The following MRPS27 variants were observed in gnomAD, a reference collection of about 807,000 sequenced individuals.
MRPS27 encodes small ribosomal subunit protein mS27.
MRPS27 carries 43 observed loss-of-function variants against 48.9 expected under a neutral mutation model. That is an observed-to-expected ratio of 0.88 (90% CI 0.69 to 1.13). The LOEUF (loss-of-function observed/expected upper bound fraction) is 1.13, where lower values mean the gene tolerates loss of function less well. Among genes scored for constraint, MRPS27 ranks in the 50% most tolerant of loss-of-function variants. The pLI is 0.00. For synonymous variants in MRPS27, 188 were observed against 171.9 expected (o/e 1.09, Z -0.73); for missense variants, 467 against 476.3 (o/e 0.98, Z 0.18).
At chr5:72,263,384 G>A (rs1445943106) in intron 4 of MRPS27, among the ~76,000 whole-genome samples, 2 of 151,766 alleles carry the variant, frequency 1.3e-5, no homozygotes, top group East Asian at 1.9e-4. Context: ...TTTTAGATAT[G>A]ACACCAAAAG....
Position 72,310,713 on chromosome 5 carries a change from C to T in MRPS27, c.151+3368G>A, listed in dbSNP as rs79804721. On this transcript the variant is annotated intron_variant, in intron 2 of 10. Transcript: ENST00000261413. ...TCAGGCTAAAGCCATGAATGGATGC[C>T]AAATCTAAGAGCAAACTTTTGATAA... Among the ~76,000 whole-genome samples, 574 of 152,234 alleles carry T rather than the reference C, an allele frequency of 3.8e-3. 2 individuals are homozygous for T. Among genetic ancestry groups the T allele is most frequent in the African/African-American group, 0.013 (549 of 41,536 alleles).
rs112566146 is a variant in MRPS27, at chr5:72,223,308, G to A, written c.1005+375C>T. 1.4e-3 allele frequency among the ~76,000 whole-genome samples: 216 copies of A among 152,320 alleles called. 2 individuals carry two copies. The highest frequency in any genetic ancestry group is 4.9e-3 in the African/African-American group (202 of 41,582). The stretch of plus-strand genomic sequence containing the variant: ...ATTATAGTGTCTAACTGGGTTTTTA[G>A]GTTATCAAGCACATTTAGTGCAAGA... On this transcript the variant is annotated intron_variant, in intron 10 of 10. Coordinates refer to ENST00000261413, the MANE Select transcript of MRPS27 (RefSeq NM_015084.3).
intron 4 of MRPS27, among the ~76,000 whole-genome samples, chr5:72,271,214 T>C (rs750590253): frequency 1.2e-4 from 19 of 152,248 alleles, no homozygotes; most frequent in Middle Eastern, 3.4e-3. Context: ...ACAGATAATA[T>C]GGTTGGATAT....
chr5:72,297,608 A>C, intron 3 of MRPS27, 24 bp downstream of exon 3: 1 of 1,470,562 alleles, frequency 6.8e-7, no homozygotes, highest in Non-Finnish European at 9.4e-7. Context: ...TTCTTGGAAA[A>C]TATATATGTT....
chr5:72,309,965 G>A (rs1750396524), intron 2 of MRPS27, among the ~76,000 whole-genome samples: 1 of 152,170 alleles, frequency 6.6e-6, no homozygotes, highest in East Asian at 1.9e-4. Context: ...GAATTCAGAT[G>A]ACCTGCAATG....
chr5:72,280,803 G>A (rs764680019), intron 4 of MRPS27, among the ~76,000 whole-genome samples: 2 of 152,214 alleles, frequency 1.3e-5, no homozygotes, highest in African/African-American at 2.4e-5. Context: ...CAGTTATGGT[G>A]CAGTTTTTTC....
chr5:72,237,591 T>C (rs1421808209), intron 5 of MRPS27, among the ~76,000 whole-genome samples: 1 of 152,136 alleles, frequency 6.6e-6, no homozygotes, highest in Admixed American at 6.5e-5. Context: ...TCTTGGGTGG[T>C]GTAACAGTCA....
intron 1 of MRPS27, among the ~76,000 whole-genome samples, chr5:72,318,436 T>C (rs1214514453): frequency 6.6e-6 from 1 of 152,246 alleles, no homozygotes; most frequent in African/African-American, 2.4e-5. Flanking sequence ...AGTAATCACC[T>C]TTCTACATTC....
At chr5:72,256,009 T>C (rs1179303195) in intron 4 of MRPS27, among the ~76,000 whole-genome samples, 1 of 152,226 alleles carries the variant, frequency 6.6e-6, no homozygotes, top group African/African-American at 2.4e-5. Context: ...ATGTTAAAGA[T>C]AAAATCATTT....
intron 8 of MRPS27, chr5:72,227,354 T>A (rs535371865): frequency 6.6e-6 from 1 of 151,840 alleles, no homozygotes; most frequent in African/African-American, 2.4e-5. Flanking sequence ...TTAAAAAGAG[T>A]GGTCAACTCC....
chr5:72,233,612 C>T (rs1748118119), intron 6 of MRPS27, among the ~76,000 whole-genome samples: 1 of 151,882 alleles, frequency 6.6e-6, no homozygotes, highest in African/African-American at 2.4e-5. Context: ...GTTCTTTTTG[C>T]AAATGGGGAA....
Position 72,284,998 on chromosome 5 carries a change from A to G in MRPS27, c.281+10533T>C, listed in dbSNP as rs7723969. Among the ~76,000 whole-genome samples, 566 of 152,318 alleles carry G rather than the reference A, an allele frequency of 3.7e-3. 1 individual carries two copies. Among genetic ancestry groups the G allele is most frequent in the African/African-American group, 0.013 (550 of 41,560 alleles). The stretch of plus-strand genomic sequence containing the variant: ...TTCCTAGAGGTGGAATTATTGGGCC[A>G]GAGGGTATTGTACTTATAATTTTGA... On this transcript the variant is annotated intron_variant, in intron 4 of 10. Transcript: ENST00000261413.
intron 2 of MRPS27, among the ~76,000 whole-genome samples, chr5:72,310,351 A>ATT (rs1750411332): frequency 6.6e-6 from 1 of 152,108 alleles, no homozygotes; most frequent in Non-Finnish European, 1.5e-5. Flanking sequence ...GGAAGGGTAC[A>ATT]CAGTGAGCCT....
At chr5:72,314,916 G>A (rs1580122579) in intron 1 of MRPS27, among the ~76,000 whole-genome samples, 2 of 152,288 alleles carry the variant, frequency 1.3e-5, no homozygotes, top group South Asian at 4.1e-4. Flanking sequence ...ATAAAGCAAG[G>A]AGTAGTATCT....
chr5:72,268,434 G>A (rs1303669004), intron 4 of MRPS27, among the ~76,000 whole-genome samples: 1 of 152,260 alleles, frequency 6.6e-6, no homozygotes, highest in Middle Eastern at 3.4e-3. Flanking sequence ...TGGGGAAGGC[G>A]GTATGAACAT....
chr5:72,286,380 G>A (rs1749674787), intron 4 of MRPS27, among the ~76,000 whole-genome samples: 2 of 152,090 alleles, frequency 1.3e-5, no homozygotes, highest in Non-Finnish European at 2.9e-5. Context: ...GAGTAGTATT[G>A]GCATTAAAAT....
intron 4 of MRPS27, among the ~76,000 whole-genome samples, chr5:72,291,514 CAT>C (rs1749819339): frequency 6.6e-6 from 1 of 152,100 alleles, no homozygotes; most frequent in Non-Finnish European, 1.5e-5. Context: ...TAATTACTAA[CAT>C]AATTTCTAAG....
chr5:72,244,911 G>A (rs1276252044), intron 4 of MRPS27, among the ~76,000 whole-genome samples: 1 of 152,100 alleles, frequency 6.6e-6, no homozygotes, highest in Non-Finnish European at 1.5e-5. Flanking sequence ...TGGTACATAA[G>A]GGAGGCAGTC....
At chr5:72,254,307 T>C (rs1748737501) in intron 4 of MRPS27, among the ~76,000 whole-genome samples, 1 of 152,094 alleles carries the variant, frequency 6.6e-6, no homozygotes, top group African/African-American at 2.4e-5. Context: ...ACACAAAACC[T>C]AGGAAACTAG....
Sources: allele counts gnomAD v4.1 joint callset (sites outside exome capture counted in the v4.1 genomes callset), GRCh38; gene constraint gnomAD v4.1.1; transcripts MANE v1.5; gene names NCBI Gene and HGNC (gene_info 2026-07-23, HGNC 2026-07-21).